Variants in MCTP1 observed in about 807,000 individuals in gnomAD.
MCTP1 encodes multiple C2 and transmembrane domain containing 1.
A neutral mutation model predicts 120.6 loss-of-function variants in MCTP1; 69 were observed. That is an observed-to-expected ratio of 0.57 (90% CI 0.47 to 0.70). The LOEUF (loss-of-function observed/expected upper bound fraction) is 0.70. Ranked by LOEUF, MCTP1 falls within the 30% of genes least tolerant of loss-of-function variation. The pLI is 0.00. For missense variants in MCTP1, 1,203 were observed against 1,248.8 expected (o/e 0.96, Z 0.55); for synonymous variants, 529 against 493.1 (o/e 1.07, Z -0.96).
chr5:94,955,014 T>C (rs1294795030), intron 2 of MCTP1, among the ~76,000 whole-genome samples: 2 of 152,176 alleles, frequency 1.3e-5, no homozygotes, highest in Non-Finnish European at 2.9e-5. Context: ...CAGCTTCCAG[T>C]GAGACCAATG....
intron 11 of MCTP1, among the ~76,000 whole-genome samples, chr5:94,892,531 G>A (rs1802913941): frequency 6.6e-6 from 1 of 152,088 alleles, no homozygotes; most frequent in Non-Finnish European, 1.5e-5. Context: ...AAAGAAAAAT[G>A]GAATTAGCCA....
rs1477709932 is a variant in MCTP1, at chr5:94,912,016, A to G, written c.1521+790T>C. 2.6e-5 allele frequency among the ~76,000 whole-genome samples: 4 copies of G among 152,196 alleles called. No homozygotes were observed. In the East Asian group the frequency reaches 7.7e-4, roughly 29 times the overall value. ...TGGGAAAACTAAGATATGGAGAGAC[A>G]AAGTAACTTGTTCTAATAAATTTTA... On this transcript the variant is annotated intron_variant, in intron 9 of 22. Transcript: ENST00000515393.
chr5:94,741,894 T>C (rs777476335), intron 19 of MCTP1, among the ~76,000 whole-genome samples: 18 of 152,346 alleles, frequency 1.2e-4, no homozygotes, highest in African/African-American at 1.9e-4. Flanking sequence ...AGATGTGAGA[T>C]TGGGGTTAAC....
intron 5 of MCTP1, among the ~76,000 whole-genome samples, chr5:94,937,417 A>C (rs530385534): frequency 5.8e-4 from 88 of 152,146 alleles, no homozygotes; most frequent in African/African-American, 2.1e-3. Context: ...GGCTGAAGAG[A>C]TACGATGAAG....
At chr5:95,116,879 T>C (rs952202821) in intron 1 of MCTP1, among the ~76,000 whole-genome samples, 7 of 152,168 alleles carry the variant, frequency 4.6e-5, no homozygotes, top group African/African-American at 1.7e-4. Context: ...TTTCTGAACA[T>C]TGATTTTGTA....
At chr5:95,259,720 G>C (rs1487547720) in intron 1 of MCTP1, among the ~76,000 whole-genome samples, 2 of 152,136 alleles carry the variant, frequency 1.3e-5, no homozygotes, top group African/African-American at 4.8e-5. Context: ...CACCATCCAG[G>C]ATAATATTCC....
At chr5:95,210,948 G>C (rs889180311) in intron 1 of MCTP1, among the ~76,000 whole-genome samples, 7 of 151,806 alleles carry the variant, frequency 4.6e-5, no homozygotes, top group Non-Finnish European at 8.8e-5. Context: ...TAGTTTGGCT[G>C]GATATGAAAT....
At chr5:95,238,363 G>A (rs1755785106) in intron 1 of MCTP1, among the ~76,000 whole-genome samples, 1 of 152,130 alleles carries the variant, frequency 6.6e-6, no homozygotes, top group African/African-American at 2.4e-5. Flanking sequence ...TAATAGAATT[G>A]CGTTTTTGCT....
At chr5:95,221,533 A>G (rs770041013) in intron 1 of MCTP1, among the ~76,000 whole-genome samples, 2 of 152,314 alleles carry the variant, frequency 1.3e-5, no homozygotes, top group African/African-American at 2.4e-5. Flanking sequence ...GGTTATAAAT[A>G]CAGTCTGTAA....
At chr5:94,740,269 A>C (rs754385195) in intron 19 of MCTP1, among the ~76,000 whole-genome samples, 1 of 152,236 alleles carries the variant, frequency 6.6e-6, no homozygotes, top group South Asian at 2.1e-4. Context: ...ACCTCCTTAC[A>C]TGCCTTCAGT....
At chr5:94,936,662 A>T (rs1322158487) in intron 5 of MCTP1, among the ~76,000 whole-genome samples, 2 of 152,122 alleles carry the variant, frequency 1.3e-5, no homozygotes, top group Non-Finnish European at 2.9e-5. Context: ...GAGTTTCAAA[A>T]CCTAATAACC....
chr5:95,193,940 G>A lies in MCTP1; in HGVS notation c.720+89916C>T, dbSNP rs546775553. 1.3e-3 allele frequency among the ~76,000 whole-genome samples: 202 copies of A among 152,288 alleles called. 1 individual carries two copies. The highest frequency in any genetic ancestry group is 4.7e-3 in the African/African-American group (194 of 41,566). ...GAAACATTACTGAAAGCCAGGCGTG[G>A]TGCTTCACGCTTGTAACCTCAACAC... On this transcript the variant is annotated intron_variant, in intron 1 of 22. Transcript: ENST00000515393.
chr5:95,058,121 T>C (rs375278393), intron 1 of MCTP1, among the ~76,000 whole-genome samples: 1 of 152,222 alleles, frequency 6.6e-6, no homozygotes, highest in African/African-American at 2.4e-5. Flanking sequence ...CATATTCTAA[T>C]GGGATAAAAT....
At chr5:94,940,367 C>G (rs956255323) in intron 4 of MCTP1, among the ~76,000 whole-genome samples, 172 bp from the exon 5 acceptor site, 1 of 150,930 alleles carries the variant, frequency 6.6e-6, no homozygotes, top group Non-Finnish European at 1.5e-5. Context: ...CAATAAACTG[C>G]GTGTAGATCT....
At chr5:94,907,786 G>GAA (rs144315354) in intron 10 of MCTP1, among the ~76,000 whole-genome samples, 71 of 147,892 alleles carry the variant, frequency 4.8e-4, no homozygotes, top group African/African-American at 1.5e-3. Context: ...GTCATTATAC[G>GAA]AAAAAAAAAA....
At chr5:94,738,728 T>C (rs541165052) in intron 19 of MCTP1, among the ~76,000 whole-genome samples, 2 of 152,334 alleles carry the variant, frequency 1.3e-5, no homozygotes, top group East Asian at 3.9e-4. Flanking sequence ...TTGTCCATTA[T>C]GTCTGTGGGC....
intron 1 of MCTP1, among the ~76,000 whole-genome samples, chr5:95,269,549 C>T (rs556360983): frequency 9.2e-5 from 14 of 152,330 alleles, no homozygotes; most frequent in East Asian, 3.9e-4. Flanking sequence ...ATGGTGGCAC[C>T]TTCCTCTAGC....
chr5:95,071,229 G>A (rs1752072374), intron 1 of MCTP1, among the ~76,000 whole-genome samples: 1 of 152,218 alleles, frequency 6.6e-6, no homozygotes, highest in Admixed American at 6.5e-5. Context: ...TCCGGAGCCT[G>A]AGGCAGCACG....
Position 94,909,284 on chromosome 5 carries a change from T to C in MCTP1, c.1619A>G (p.Lys540Arg). Residue 540 changes from lysine to arginine, a missense_variant, in exon 10 of 23, where the codon AAA becomes AGA. Lys to Arg is a conservative substitution (Grantham distance 26, BLOSUM62 2). This residue lies in a region of MCTP1 where 740 missense variants were observed against 871.1 expected (regional missense o/e 0.85). Coordinates refer to ENST00000515393, the MANE Select transcript of MCTP1 (RefSeq NM_024717.7). Reference sequence around the variant, plus strand: ...GAAATCATCCCTTTTCCCAGCATCTTTGTCCCATGCAGTGATATCAATGAC... The same window carrying C: ...GAAATCATCCCTTTTCCCAGCATCTCTGTCCCATGCAGTGATATCAATGAC... ...GGVIDITAWDKDAGKRDDFIG... is the reference protein window; with the variant it reads ...GGVIDITAWDRDAGKRDDFIG... 1 of 1,612,128 alleles carries C rather than the reference T, an allele frequency of 6.2e-7. No homozygotes were observed. Among genetic ancestry groups the C allele is most frequent in the Non-Finnish European group, 8.5e-7 (1 of 1,179,062 alleles).
Sources: gnomAD v4.1 joint callset for allele counts (sites outside exome capture counted in the v4.1 genomes callset) on GRCh38, gnomAD v4.1.1 for gene constraint, gnomAD v4.1.1 regional missense constraint, MANE v1.5 for transcripts, NCBI Gene and HGNC (gene_info 2026-07-23, HGNC 2026-07-21) for gene names.